Variants in CHODL observed in about 807,000 individuals in gnomAD.
CHODL encodes transmembrane protein MT75.
A neutral mutation model predicts 34.5 loss-of-function variants in CHODL; 29 were observed. The ratio of observed to expected loss-of-function variants is 0.84; its 90% CI spans 0.63 to 1.15. The LOEUF (loss-of-function observed/expected upper bound fraction) is 1.15, where lower values mean the gene tolerates loss of function less well. Ranked by LOEUF, CHODL falls within the 50% of genes most tolerant of loss-of-function variation. The probability of loss-of-function intolerance (pLI) is 0.00; values close to 1 mark genes in which losing one functional copy is unlikely to be tolerated. For missense variants in CHODL, 332 were observed against 332.5 expected, an observed-to-expected ratio of 1.00 and a Z score of 0.01; for synonymous variants, 125 against 116.1, an observed-to-expected ratio of 1.08 and a Z score of -0.49.
intron 1 of CHODL, among the ~76,000 whole-genome samples, chr21:17,987,765 A>G (rs1350533592): frequency 6.6e-6 from 1 of 152,216 alleles, no homozygotes; most frequent in South Asian, 2.1e-4. Context: ...GGGGAAACAT[A>G]CTATAGAATA....
At chr21:18,260,948 A>G (rs2074374212) in intron 4 of CHODL, among the ~76,000 whole-genome samples, 1 of 152,190 alleles carries the variant, frequency 6.6e-6, no homozygotes, top group South Asian at 2.1e-4. Flanking sequence ...TTCAGTGGAG[A>G]GCAAACAGGG....
At chr21:18,245,472 C>T (rs915806167) in intron 1 of CHODL, among the ~76,000 whole-genome samples, 170 bp downstream of exon 1, 31 of 152,340 alleles carry the variant, frequency 2.0e-4, no homozygotes, top group Non-Finnish European at 3.7e-4. Flanking sequence ...TCCCTCTCTT[C>T]TCTAACACAC....
intron 2 of CHODL, among the ~76,000 whole-genome samples, chr21:18,103,191 G>T (rs1054378372): frequency 3.9e-5 from 6 of 152,072 alleles, no homozygotes; most frequent in Admixed American, 1.3e-4. Context: ...AAGAATGAAA[G>T]AAATGAGAAA....
chr21:18,235,537 G>C (rs975448812), intron 2 of CHODL, among the ~76,000 whole-genome samples: 5 of 152,038 alleles, frequency 3.3e-5, no homozygotes, highest in Non-Finnish European at 5.9e-5. Flanking sequence ...AGTAATTCCT[G>C]TTATTGTCTA....
chr21:18,225,127 G>C (rs144205082), intron 2 of CHODL, among the ~76,000 whole-genome samples: 1 of 150,292 alleles, frequency 6.7e-6, no homozygotes, highest in Non-Finnish European at 1.5e-5. Context: ...TTTTCTTCTA[G>C]ATTGGAAAGT....
chr21:18,158,553 TGCGGCCTGGC>T (rs1430345147), intron 2 of CHODL, among the ~76,000 whole-genome samples: 2 of 152,128 alleles, frequency 1.3e-5, no homozygotes, highest in Non-Finnish European at 2.9e-5. Flanking sequence ...AAGAAAAGCA[TGCGGCCTGGC>T]ACGGTGGCTC....
At chr21:18,239,481 C>A (rs931880307) in intron 2 of CHODL, among the ~76,000 whole-genome samples, 17 of 151,222 alleles carry the variant, frequency 1.1e-4, no homozygotes, top group African/African-American at 3.9e-4. Context: ...TATGTCAGCT[C>A]ACATAATACA....
chr21:18,034,817 C>T (rs2064290703), intron 2 of CHODL, among the ~76,000 whole-genome samples: 1 of 151,960 alleles, frequency 6.6e-6, no homozygotes, highest in Admixed American at 6.6e-5. Flanking sequence ...AAAAAGCCAC[C>T]AGTAACATGA....
intron 1 of CHODL, among the ~76,000 whole-genome samples, chr21:17,982,869 T>C (rs112439333): frequency 2.8e-4 from 42 of 150,764 alleles, no homozygotes; most frequent in African/African-American, 1.0e-3. Context: ...AACCACCCAC[T>C]CCCTCCAACC....
chr21:18,010,129 A>C lies in CHODL; in HGVS notation c.-144-17743A>C, dbSNP rs1311952169. On this transcript the variant is annotated intron_variant, in intron 1 of 6. Transcript: ENST00000400127. Reference sequence around the variant, plus strand: ...TCTCTACTAAAATACAAAAAAAAAAAAAAAAAAAAAAAAAAAAAATTAGCC... The same window carrying C: ...TCTCTACTAAAATACAAAAAAAAAACAAAAAAAAAAAAAAAAAAATTAGCC... 5.7e-5 allele frequency among the ~76,000 whole-genome samples: 8 copies of C among 141,114 alleles called. No homozygotes were observed. In the South Asian group the frequency reaches 6.8e-4, roughly 12 times the overall value. The allele number at this position is 141,114 out of a possible 152,430, so 92.6% of individuals were successfully genotyped here.
intron 5 of CHODL, among the ~76,000 whole-genome samples, chr21:18,263,779 A>G (rs1164785303): frequency 2.0e-5 from 3 of 152,068 alleles, no homozygotes; most frequent in Non-Finnish European, 4.4e-5. Context: ...TCCTCTTTTG[A>G]CCTTACTTCA....
At chr21:18,073,223 A>C (rs984271153) in intron 2 of CHODL, among the ~76,000 whole-genome samples, 5 of 152,168 alleles carry the variant, frequency 3.3e-5, no homozygotes, top group Non-Finnish European at 7.4e-5. Context: ...TCTGGAATAC[A>C]AGGTTAGTAC....
chr21:18,078,422 T>A (rs925435773), intron 2 of CHODL, among the ~76,000 whole-genome samples: 3 of 152,106 alleles, frequency 2.0e-5, no homozygotes, highest in Non-Finnish European at 4.4e-5. Context: ...ACCAGGTCCC[T>A]CCCACGACAT....
At chr21:18,117,171 G>A (rs900182620) in intron 2 of CHODL, among the ~76,000 whole-genome samples, 3 of 152,162 alleles carry the variant, frequency 2.0e-5, no homozygotes, top group Non-Finnish European at 4.4e-5. Flanking sequence ...AATAGTAGAA[G>A]CTTTAAGTCC....
intron 1 of CHODL, among the ~76,000 whole-genome samples, chr21:17,936,235 C>G (rs1481970317): frequency 2.6e-5 from 4 of 152,118 alleles, no homozygotes; most frequent in Non-Finnish European, 5.9e-5. Context: ...GGAGCAAAAT[C>G]TAAAAGTCAT....
chr21:17,996,487 G>A (rs1275607984), intron 1 of CHODL, among the ~76,000 whole-genome samples: 1 of 152,120 alleles, frequency 6.6e-6, no homozygotes, highest in African/African-American at 2.4e-5. Flanking sequence ...TCAGTCTAGT[G>A]AAGAAGGCAG....
At chr21:18,252,362 A>G (rs9808639) in intron 1 of CHODL, among the ~76,000 whole-genome samples, 19,161 of 152,140 alleles carry the variant, frequency 0.13, 1,290 homozygotes, top group Middle Eastern at 0.17. Context: ...ATGAGACGAG[A>G]GGTAATTGTA....
At position 18,088,495 on chromosome 21, in the gene CHODL, C is replaced by A. The variant is rs575946108; in HGVS notation, c.-45+60524C>A. On this transcript the variant is annotated intron_variant, in intron 2 of 6. Coordinates refer to the CHODL transcript ENST00000400127. ...ATCTGTGTGCAATCTTTAGGCAACA[C>A]CATGTGTCAGACCCAGTGGGTCAAG... Among the ~76,000 whole-genome samples the A allele has an allele frequency of 7.9e-5, 12 of 152,286 alleles. No homozygotes were observed. The East Asian group carries it at 2.3e-3, about 29-fold the overall frequency.
intron 2 of CHODL, among the ~76,000 whole-genome samples, chr21:18,211,886 T>G (rs2073778603): frequency 6.6e-6 from 1 of 152,204 alleles, no homozygotes; most frequent in South Asian, 2.1e-4. Flanking sequence ...ATTTATTCAT[T>G]TGAAAACAGT....
Sources: allele counts gnomAD v4.1 joint callset (sites outside exome capture counted in the v4.1 genomes callset), GRCh38; gene constraint gnomAD v4.1.1; transcripts MANE v1.5; gene names NCBI Gene and HGNC (gene_info 2026-07-23, HGNC 2026-07-21).